Variants in NR1D1 observed in about 807,000 individuals in gnomAD.
NR1D1 encodes the protein Rev-ErbAalpha.
Under a neutral mutation model 51.1 loss-of-function variants are expected in NR1D1, and 17 were observed. The observed-to-expected ratio is 0.33, with a 90% confidence interval of 0.23 to 0.50. The LOEUF (loss-of-function observed/expected upper bound fraction) is 0.50. Ranked by LOEUF, NR1D1 falls within the 20% of genes least tolerant of loss-of-function variation. NR1D1 has a pLI of 0.98. For synonymous variants in NR1D1, 341 were observed against 333.4 expected (o/e 1.02, Z -0.25); for missense variants, 647 against 830.4 (o/e 0.78, Z 2.71).
intron 6 of NR1D1, 61 bp from the exon 7 acceptor site, chr17:40,094,183 C>G: frequency 1.3e-6 from 2 of 1,510,072 alleles, no homozygotes; most frequent in Non-Finnish European, 9.2e-7. Context: ...CCAAATCGCC[C>G]CTGTAGTTTG....
rs757776456 is a variant in NR1D1, at chr17:40,093,340, G to A, written c.1646-58C>T. 18 of 1,612,988 alleles carry A rather than the reference G, an allele frequency of 1.1e-5. No individual in the cohort carries two copies. Among genetic ancestry groups the A allele is most frequent in the South Asian group, 6.6e-5 (6 of 91,068 alleles). ...CCCCGAGCTCCTCTGAGGAGGAACCGGAGGTCTGCGAGGACCTGGCAGGCA... is the reference window on the plus strand; with the variant it reads ...CCCCGAGCTCCTCTGAGGAGGAACCAGAGGTCTGCGAGGACCTGGCAGGCA... On this transcript the variant is annotated intron_variant, in intron 7 of 7. Transcript: ENST00000246672. This position sits in a 1 kb window ranked among gnomAD's most constrained non-coding sequence, Gnocchi z 5.9.
chr17:40,096,677 C>A lies in NR1D1; in HGVS notation c.459+14G>T, dbSNP rs772510456. ...GGGCCACCTGCCCCTGCCCTTACCC[C>A]CAGTCCGCCTCACCTTGCAGCCCTC... is the stretch of plus-strand genomic sequence containing the variant. On this transcript the variant is annotated intron_variant, in intron 3 of 7. Coordinates refer to ENST00000246672, the MANE Select transcript of NR1D1 (RefSeq NM_021724.5). 2 of 1,614,144 alleles carry A rather than the reference C, an allele frequency of 1.2e-6. No homozygotes were observed. The highest frequency in any genetic ancestry group is 4.5e-5 in the East Asian group (2 of 44,892).
In NR1D1 at chr17:40,100,450, G is replaced by T. The variant is rs1004673918; in HGVS notation, c.-356C>A. On this transcript the variant is annotated 5_prime_UTR_variant, in exon 1 of 8. Coordinates refer to ENST00000246672, the MANE Select transcript of NR1D1 (RefSeq NM_021724.5). The stretch of plus-strand genomic sequence containing the variant: ...GCAGCGCTGCGGGGTGGCGAATCTG[G>T]AGCTCCCGGTGCAAAAGTCCCAGAG... The T allele has an allele frequency of 3.0e-5, 14 of 465,032 alleles. No homozygotes were observed. The highest frequency in any genetic ancestry group is 2.2e-4 in the African/African-American group (11 of 50,470). 28.8% of individuals were successfully genotyped at this position (465,032 alleles called of 1,614,324 possible). A position where few individuals can be genotyped will look rare whatever the true frequency, so the allele number is the denominator to read the frequency against.
chr17:40,095,003 G>A lies in NR1D1; in HGVS notation c.1366C>T (p.His456Tyr). 1 of 1,614,192 alleles carries A rather than the reference G, an allele frequency of 6.2e-7. No individual in the cohort carries two copies. The highest frequency in any genetic ancestry group is 8.5e-7 in the Non-Finnish European group (1 of 1,180,046). ...GAAAGGTCACGGAAGCCCGGGATGT[G>A]TTTGGCAAACTCTACCACCTCCCGC... ...AVREVVEFAK[H>Y]IPGFRDLSQH... Residue 456 changes from histidine to tyrosine, a missense_variant, in exon 6 of 8, where the codon CAC (histidine) becomes TAC (tyrosine). Transcript: ENST00000246672.
rs770445467 is a variant in NR1D1 at position 40,100,039 on chromosome 17, G to GA, written c.31+24dup. ...GGTGGGGAGACAGTGACAGGGAAAA[G>GA]ATGATAGTAAAGAAATCTCAGTACC... is the stretch of plus-strand genomic sequence containing the variant. On this transcript the variant is annotated intron_variant, in intron 1 of 7. Transcript: ENST00000246672. 12 of 1,568,560 alleles carry GA rather than the reference G, an allele frequency of 7.7e-6. No individual in the cohort carries two copies. In the Admixed American group the frequency reaches 2.0e-4, roughly 26 times the overall value.
chr17:40,096,916 A>T, intron 2 of NR1D1, 137 bp from the exon 3 acceptor site: 1 of 1,180,468 alleles, frequency 8.5e-7, no homozygotes, highest in Non-Finnish European at 1.2e-6. Flanking sequence ...TGGAGTGACA[A>T]AACTGGGCTG....
Position 40,100,107 on chromosome 17 carries a change from T to G in NR1D1, c.-13A>C. The G allele has an allele frequency of 6.2e-7, 1 of 1,608,318 alleles. No homozygotes were observed. Among genetic ancestry groups the G allele is most frequent in the Non-Finnish European group, 8.5e-7 (1 of 1,174,758 alleles). On this transcript the variant is annotated 5_prime_UTR_variant, in exon 1 of 8. Transcript: ENST00000246672. ...CCAGGGTCGTCATGTCTTCACCAGC[T>G]GAGAGCGGTCATTCAAACTGGACCT... is the stretch of plus-strand genomic sequence containing the variant.
intron 6 of NR1D1, 53 bp downstream of exon 6, chr17:40,094,882 G>GC: frequency 6.3e-7 from 1 of 1,577,398 alleles, no homozygotes; most frequent in Admixed American, 1.7e-5. Flanking sequence ...TGGGCGACAA[G>GC]CGAAACTCTG....
At chr17:40,097,574 G>A (rs1472950908) in intron 1 of NR1D1, among the ~76,000 whole-genome samples, 171 bp from the exon 2 acceptor site, 1 of 152,142 alleles carries the variant, frequency 6.6e-6, no homozygotes, top group Non-Finnish European at 1.5e-5. Context: ...CAGTAGACAT[G>A]GCATGGCCAA....
At chr17:40,094,913 A>G (rs907393945) in intron 6 of NR1D1, 22 bp downstream of exon 6, 4 of 1,609,062 alleles carry the variant, frequency 2.5e-6, no homozygotes, top group African/African-American at 1.3e-5. Context: ...AACAAAAACC[A>G]GAAGCATAAA....
intron 1 of NR1D1, among the ~76,000 whole-genome samples, chr17:40,098,588 T>C (rs1987809978): frequency 2.0e-5 from 3 of 152,172 alleles, no homozygotes; most frequent in African/African-American, 7.2e-5. Flanking sequence ...GTGAGGAGCA[T>C]ACTCAAGAGT....
chr17:40,093,075 C>T lies in NR1D1; in HGVS notation c.*8G>A, dbSNP rs201283167. 6.2e-6 allele frequency: 10 copies of T among 1,613,942 alleles called. No homozygotes were observed. Among genetic ancestry groups the T allele is most frequent in the South Asian group, 2.2e-5 (2 of 91,076 alleles). ...AAGGGGGCAGCGGCAGAAGGCCGGC[C>T]GGGCGGGTCACTGGGCGTCCACCCG... is the stretch of plus-strand genomic sequence containing the variant. On this transcript the variant is annotated 3_prime_UTR_variant, in exon 8 of 8. Transcript: ENST00000246672. The surrounding 1 kb of genome is among the most constrained non-coding windows in gnomAD (Gnocchi z 5.9).
At chr17:40,097,715 G>A (rs1397610871) in intron 1 of NR1D1, among the ~76,000 whole-genome samples, 1 of 152,182 alleles carries the variant, frequency 6.6e-6, no homozygotes, top group African/African-American at 2.4e-5. Context: ...TGCAGCTAAT[G>A]ACTTAGTTGT....
intron 6 of NR1D1, 141 bp from the exon 7 acceptor site, chr17:40,094,263 G>A: frequency 8.5e-6 from 6 of 709,172 alleles, no homozygotes; most frequent in Non-Finnish European, 1.2e-5. Flanking sequence ...GGCCAATGAG[G>A]GAGCCCAGGT....
intron 2 of NR1D1, 128 bp downstream of exon 2, chr17:40,096,936 TG>T: frequency 8.6e-7 from 1 of 1,168,820 alleles, no homozygotes. Flanking sequence ...GAAGAGGGGC[TG>T]GTGCCACTCT....
chr17:40,095,428 GC>G lies in NR1D1; in HGVS notation c.1248+15del. 6.6e-6 allele frequency: 10 copies of G among 1,515,334 alleles called. No homozygotes were observed. The highest frequency in any genetic ancestry group is 2.4e-4 in the Middle Eastern group (1 of 4,102). The allele number at this position is 1,515,334 out of a possible 1,614,324, so 93.9% of individuals were successfully genotyped here. A position where few individuals can be genotyped will look rare whatever the true frequency, so the allele number is the denominator to read the frequency against. On this transcript the variant is annotated intron_variant, in intron 5 of 7. Coordinates refer to ENST00000246672, the MANE Select transcript of NR1D1 (RefSeq NM_021724.5). The stretch of plus-strand genomic sequence containing the variant: ...CCCAATCTTCTTAACGCACTCGCCC[GC>G]CCCCATGCCCTTACCAGCAGAACAT...
At chr17:40,097,758 G>A (rs77469195) in intron 1 of NR1D1, among the ~76,000 whole-genome samples, 7 of 152,274 alleles carry the variant, frequency 4.6e-5, no homozygotes, top group East Asian at 3.9e-4. Flanking sequence ...ATGGGCAGCT[G>A]AGCACCATTC....
At chr17:40,098,776 T>C (rs982798920) in intron 1 of NR1D1, among the ~76,000 whole-genome samples, 1 of 152,224 alleles carries the variant, frequency 6.6e-6, no homozygotes, top group South Asian at 2.1e-4. Context: ...GCAGCTTGTC[T>C]GGTGGAGATG....
In NR1D1 at chr17:40,100,107, T is replaced by A; in HGVS notation, c.-13A>T. On this transcript the variant is annotated 5_prime_UTR_variant, in exon 1 of 8. Transcript: ENST00000246672. ...CCAGGGTCGTCATGTCTTCACCAGC[T>A]GAGAGCGGTCATTCAAACTGGACCT... 6.2e-7 allele frequency: 1 copy of A among 1,608,318 alleles called. No individual in the cohort carries two copies. The highest frequency in any genetic ancestry group is 8.5e-7 in the Non-Finnish European group (1 of 1,174,758).
Sources: allele counts gnomAD v4.1 joint callset (sites outside exome capture counted in the v4.1 genomes callset), GRCh38; gene constraint gnomAD v4.1.1; non-coding constraint Gnocchi (gnomAD v3.1); transcripts MANE v1.5; gene names NCBI Gene and HGNC (gene_info 2026-07-23, HGNC 2026-07-21).